The following ALK variants were observed in gnomAD, a reference collection of about 807,000 sequenced individuals.
The protein encoded by ALK is ALK tyrosine kinase receptor.
In ALK, 74 loss-of-function variants were observed where a neutral mutation model predicts 163.1. The observed-to-expected ratio is 0.45, with a 90% CI of 0.38 to 0.55. The LOEUF (loss-of-function observed/expected upper bound fraction) is 0.55, where lower values mean the gene tolerates loss of function less well. Among genes scored for constraint, ALK ranks in the 20% least tolerant of loss-of-function variants. The pLI, the probability that ALK is intolerant of heterozygous loss-of-function variation, is 0.00. For missense variants in ALK, 2,063 were observed against 2,105.3 expected (o/e 0.98, Z 0.39); for synonymous variants, 960 against 843.2 (o/e 1.14, Z -2.40).
At chr2:29,599,045 T>C (rs1675299241) in intron 3 of ALK, among the ~76,000 whole-genome samples, 1 of 152,184 alleles carries the variant, frequency 6.6e-6, no homozygotes, top group South Asian at 2.1e-4. Flanking sequence ...TTAAGCTATG[T>C]GGTATGGAAC....
chr2:29,899,971 C>T (rs1667371173), intron 1 of ALK, among the ~76,000 whole-genome samples: 1 of 152,236 alleles, frequency 6.6e-6, no homozygotes, highest in South Asian at 2.1e-4. Flanking sequence ...ATGGGCCAAG[C>T]ACTGCAGTGG....
chr2:29,327,338 T>C (rs939267530), intron 6 of ALK, among the ~76,000 whole-genome samples: 2 of 152,118 alleles, frequency 1.3e-5, no homozygotes, highest in Non-Finnish European at 2.9e-5. Context: ...ATGGGAAAGA[T>C]GACCAGACTC....
chr2:29,576,314 G>A (rs1435789646), intron 3 of ALK, among the ~76,000 whole-genome samples: 1 of 152,194 alleles, frequency 6.6e-6, no homozygotes. Context: ...GCAGAACCAT[G>A]AGCCTCTCCT....
chr2:29,308,134 A>C (rs1002162533), intron 8 of ALK, among the ~76,000 whole-genome samples: 3 of 152,068 alleles, frequency 2.0e-5, no homozygotes, highest in African/African-American at 7.2e-5. Flanking sequence ...AAAACAATGA[A>C]ATTAATTTAG....
intron 1 of ALK, among the ~76,000 whole-genome samples, chr2:29,831,015 G>A: frequency 4.2e-5 from 2 of 47,406 alleles, no homozygotes; most frequent in African/African-American, 1.2e-4. Context: ...AGAAGAAGGG[G>A]AAGAGGAAGG....
chr2:29,411,929 A>G (rs1669734256), intron 4 of ALK, among the ~76,000 whole-genome samples: 1 of 151,948 alleles, frequency 6.6e-6, no homozygotes, highest in Non-Finnish European at 1.5e-5. Context: ...TCACTCATAC[A>G]CTCTTTGGTG....
chr2:29,499,436 T>C (rs1195537601), intron 4 of ALK, among the ~76,000 whole-genome samples: 2 of 152,212 alleles, frequency 1.3e-5, no homozygotes, highest in Non-Finnish European at 2.9e-5. Flanking sequence ...CCTCAAGTGA[T>C]CCACCTGCCT....
intron 26 of ALK, 81 bp downstream of exon 26, chr2:29,207,090 C>G (rs1287625494): frequency 4.5e-6 from 5 of 1,102,806 alleles, no homozygotes; most frequent in Non-Finnish European, 7.0e-6. Flanking sequence ...CACGGGCTCC[C>G]GGCTTAGAGT....
chr2:29,502,128 G>T (rs1327826876), intron 4 of ALK, among the ~76,000 whole-genome samples: 2 of 152,082 alleles, frequency 1.3e-5, no homozygotes, highest in Non-Finnish European at 2.9e-5. Context: ...CCTGTAATAG[G>T]CACAGGTACA....
intron 1 of ALK, among the ~76,000 whole-genome samples, chr2:29,904,816 T>TAAACA (rs1667497329): frequency 6.6e-6 from 1 of 152,176 alleles, no homozygotes; most frequent in Admixed American, 6.5e-5. Context: ...CAGAGTTCTT[T>TAAACA]AAACAAAACA....
chr2:29,710,046 T>C (rs78492964), intron 2 of ALK, among the ~76,000 whole-genome samples: 2,117 of 152,242 alleles, frequency 0.014, 47 homozygotes, highest in African/African-American at 0.048. Context: ...TGCAAGGTAA[T>C]TGAATCATGG....
intron 1 of ALK, among the ~76,000 whole-genome samples, chr2:29,876,868 G>C (rs1666737561): frequency 6.6e-6 from 1 of 152,102 alleles, no homozygotes; most frequent in South Asian, 2.1e-4. Flanking sequence ...AGAATGCTCT[G>C]TGTTTGTAGA....
intron 1 of ALK, among the ~76,000 whole-genome samples, chr2:29,910,715 T>C (rs1667678724): frequency 6.6e-6 from 1 of 152,208 alleles, no homozygotes. Context: ...ATTAAAGTGC[T>C]ATCCACCTGA....
chr2:29,597,321 G>A (rs1292587903), intron 3 of ALK, among the ~76,000 whole-genome samples: 1 of 152,148 alleles, frequency 6.6e-6, no homozygotes, highest in East Asian at 1.9e-4. Flanking sequence ...AGTAGCGAGG[G>A]AGTGGAGATT....
chr2:29,568,319 T>G (rs372338339), intron 3 of ALK, among the ~76,000 whole-genome samples: 7 of 152,370 alleles, frequency 4.6e-5, no homozygotes, highest in African/African-American at 1.7e-4. Context: ...CACAGTTGAT[T>G]GAACAGAGTG....
chr2:29,519,426 T>C (rs1302437153), intron 4 of ALK, among the ~76,000 whole-genome samples: 1 of 152,240 alleles, frequency 6.6e-6, no homozygotes, highest in East Asian at 1.9e-4. Context: ...CATGTAGGAT[T>C]GTGAAATTGG....
intron 5 of ALK, among the ~76,000 whole-genome samples, chr2:29,354,830 G>A (rs1429297048): frequency 4.0e-5 from 6 of 148,760 alleles, no homozygotes; most frequent in South Asian, 2.1e-4. Context: ...GCAGTGGCAC[G>A]ACCTTGGCTC....
intron 1 of ALK, among the ~76,000 whole-genome samples, chr2:29,810,681 A>G (rs1457658892): frequency 1.3e-5 from 2 of 152,170 alleles, no homozygotes; most frequent in Non-Finnish European, 2.9e-5. Flanking sequence ...CTGTGCTGAT[A>G]AAGTGGCAAC....
At chr2:29,746,745 AC>A (rs966849728) in intron 1 of ALK, among the ~76,000 whole-genome samples, 10 of 152,242 alleles carry the variant, frequency 6.6e-5, no homozygotes, top group Non-Finnish European at 1.2e-4. Context: ...CTTAGGTGCT[AC>A]CTTTGAGATA....
Sources: allele counts gnomAD v4.1 joint callset (sites outside exome capture counted in the v4.1 genomes callset), GRCh38; gene constraint gnomAD v4.1.1; transcripts MANE v1.5; gene names NCBI Gene and HGNC (gene_info 2026-07-23, HGNC 2026-07-21).